Variants in ADGRV1 observed in about 807,000 individuals in gnomAD.
The protein encoded by ADGRV1 is G-protein coupled receptor 98.
A neutral mutation model predicts 596.2 loss-of-function variants in ADGRV1; 359 were observed. That is an observed-to-expected ratio of 0.60 (90% confidence interval 0.55 to 0.66). The LOEUF (loss-of-function observed/expected upper bound fraction) is 0.66. Ranked by LOEUF, ADGRV1 falls within the 30% of genes least tolerant of loss-of-function variation. The pLI is 0.00. For synonymous variants in ADGRV1, 2,681 were observed against 2,679.2 expected, an observed-to-expected ratio of 1.00 and a Z score of -0.02; for missense variants, 7,274 against 7,575.6, an observed-to-expected ratio of 0.96 and a Z score of 1.48.
chr5:90,973,528 G>A (rs1371390452), intron 84 of ADGRV1, among the ~76,000 whole-genome samples: 2 of 152,158 alleles, frequency 1.3e-5, no homozygotes, highest in African/African-American at 4.8e-5. Context: ...TCATCCCTGG[G>A]ATGCAAGGCT....
At chr5:90,811,852 A>C (rs1444787928) in intron 74 of ADGRV1, among the ~76,000 whole-genome samples, 1 of 151,824 alleles carries the variant, frequency 6.6e-6, no homozygotes, top group African/African-American at 2.4e-5. Flanking sequence ...TAAAATTTTA[A>C]TAATTTTTTT....
At chr5:91,038,097 T>TGGGTCCCAAGCATTTC (rs1785052117) in intron 85 of ADGRV1, among the ~76,000 whole-genome samples, 1 of 152,208 alleles carries the variant, frequency 6.6e-6, no homozygotes, top group Non-Finnish European at 1.5e-5. Flanking sequence ...TAAAACATTT[T>TGGGTCCCAAGCATTTC]GGGTCCCAAG....
intron 87 of ADGRV1, among the ~76,000 whole-genome samples, chr5:91,136,165 A>G (rs13161956): frequency 0.1 from 15,913 of 152,114 alleles, 853 homozygotes; most frequent in South Asian, 0.18. Context: ...TTATTAGCCA[A>G]ATTACAAAAT....
chr5:90,925,414 A>G (rs372384646), intron 83 of ADGRV1, among the ~76,000 whole-genome samples: 79 of 152,202 alleles, frequency 5.2e-4, no homozygotes, highest in Admixed American at 9.2e-4. Flanking sequence ...GAGTTCACTC[A>G]TGATTTGGCT....
chr5:90,971,706 A>G (rs879120827), intron 84 of ADGRV1, among the ~76,000 whole-genome samples: 1 of 152,212 alleles, frequency 6.6e-6, no homozygotes, highest in African/African-American at 2.4e-5. Flanking sequence ...AGGAAGCACT[A>G]AACATGGAAA....
intron 34 of ADGRV1, among the ~76,000 whole-genome samples, chr5:90,701,241 C>G (rs565184808): frequency 6.6e-6 from 1 of 152,088 alleles, no homozygotes; most frequent in South Asian, 2.1e-4. Flanking sequence ...ATAACATACT[C>G]TCTCTTAAGA....
chr5:91,029,673 GTTGT>G (rs1033269174), intron 85 of ADGRV1, among the ~76,000 whole-genome samples: 1 of 151,826 alleles, frequency 6.6e-6, no homozygotes, highest in Non-Finnish European at 1.5e-5. Flanking sequence ...TTTGTAATCG[GTTGT>G]TTATTTTTTC....
chr5:90,657,863 A>C (rs749166987), intron 20 of ADGRV1, 42 bp from the exon 21 acceptor site: 10 of 1,522,094 alleles, frequency 6.6e-6, no homozygotes, highest in Admixed American at 4.0e-5. Context: ...AGGACAGGAC[A>C]CTTGAAGGTA....
chr5:90,745,357 T>C (rs1475666407), intron 51 of ADGRV1, 92 bp downstream of exon 51: 1 of 846,742 alleles, frequency 1.2e-6, no homozygotes, highest in East Asian at 2.5e-5. Context: ...GACTGAAAAA[T>C]ATACAAAATA....
rs531033246 is a variant in ADGRV1, at chr5:90,765,429, CCACACA to C, written c.12285+1997_12285+2002del. Among the ~76,000 whole-genome samples the C allele has an allele frequency of 2.4e-3, 333 of 136,350 alleles. 2 individuals carry two copies. The highest frequency in any genetic ancestry group is 5.4e-3 in the African/African-American group (197 of 36,548). 89.5% of individuals were successfully genotyped at this position (136,350 alleles called of 152,430 possible). A position where few individuals can be genotyped will look rare whatever the true frequency, so the allele number is the denominator to read the frequency against. ...GCATGATGGGGGGAAAAATCACAGA[CCACACA>C]CACACACACACACACACACACACAC... On this transcript the variant is annotated intron_variant, in intron 59 of 89. Transcript: ENST00000405460.
intron 82 of ADGRV1, among the ~76,000 whole-genome samples, chr5:90,861,934 A>G (rs1487947863): frequency 6.6e-6 from 1 of 152,048 alleles, no homozygotes; most frequent in Non-Finnish European, 1.5e-5. Context: ...ATTCTCCCCT[A>G]CGTAAAAAAC....
In ADGRV1 at chr5:90,776,538, G is replaced by C. The variant is rs727503080; in HGVS notation, c.12489G>C (p.Gly4163=). 7 of 1,613,194 alleles carry C rather than the reference G, an allele frequency of 4.3e-6. No individual in the cohort carries two copies. The highest frequency in any genetic ancestry group is 5.9e-6 in the Non-Finnish European group (7 of 1,179,500). ...IAPSSRHILI[G]EPSAKYNGTA... ...CGTCATCTAGGCACATCCTCATTGG[G>C]GAACCCTCAGCAAAATATAATGGTA... Residue 4163 remains glycine (G), a synonymous_variant, in exon 61 of 90, where the codon GGG becomes GGC. Coordinates refer to ENST00000405460, the MANE Select transcript of ADGRV1 (RefSeq NM_032119.4).
chr5:90,762,479 C>G (rs1033566042), intron 58 of ADGRV1: 1 of 152,156 alleles, frequency 6.6e-6, no homozygotes, highest in Non-Finnish European at 1.5e-5. Flanking sequence ...AAGCTTCTAT[C>G]CGTGTTGAAA....
chr5:90,978,634 A>G (rs939977622), intron 84 of ADGRV1, among the ~76,000 whole-genome samples: 1 of 152,174 alleles, frequency 6.6e-6, no homozygotes, highest in African/African-American at 2.4e-5. Context: ...GGATACCCCA[A>G]TTACCCTGAT....
Position 90,840,905 on chromosome 5 carries a change from GT to G in ADGRV1, c.16940del (p.Val5647GlyfsTer7), listed in dbSNP as rs1364707671. On this transcript the variant is annotated frameshift_variant, in exon 78 of 90. Coordinates refer to ENST00000405460, the MANE Select transcript of ADGRV1 (RefSeq NM_032119.4). LOFTEE classifies it high-confidence loss of function. ...TGTGAATGATGATATTCTCAACAGAGTGCTCCATACCATCAGCATGAAAGTG... is the reference window on the plus strand; with the variant it reads ...TGTGAATGATGATATTCTCAACAGAGGCTCCATACCATCAGCATGAAAGTG... ...QPVNDDILNR[V>X]LHTISMKVAT... The G allele has an allele frequency of 8.2e-6, 13 of 1,581,190 alleles. No homozygotes were observed. The highest frequency in any genetic ancestry group is 1.1e-5 in the Non-Finnish European group (13 of 1,161,306).
intron 83 of ADGRV1, among the ~76,000 whole-genome samples, chr5:90,960,776 A>G (rs1159998379): frequency 6.6e-6 from 1 of 152,170 alleles, no homozygotes; most frequent in East Asian, 1.9e-4. Context: ...GATAAAAGGA[A>G]GAGGAAGAAC....
chr5:90,658,555 G>C (rs1486182810), intron 21 of ADGRV1, among the ~76,000 whole-genome samples: 1 of 152,052 alleles, frequency 6.6e-6, no homozygotes, highest in Non-Finnish European at 1.5e-5. Flanking sequence ...GAACGTATGT[G>C]TATACTCTAC....
chr5:91,007,733 A>G (rs921739150), intron 85 of ADGRV1, among the ~76,000 whole-genome samples: 4 of 152,172 alleles, frequency 2.6e-5, no homozygotes, highest in African/African-American at 7.2e-5. Flanking sequence ...AGGATGAAAC[A>G]GAAGAAATCA....
chr5:91,004,865 G>A (rs1317034919), intron 85 of ADGRV1, among the ~76,000 whole-genome samples: 2 of 152,078 alleles, frequency 1.3e-5, no homozygotes, highest in African/African-American at 4.8e-5. Flanking sequence ...AGGGGAGAGA[G>A]CATGGCTTTC....
Sources: gnomAD v4.1 joint callset for allele counts (sites outside exome capture counted in the v4.1 genomes callset) on GRCh38, gnomAD v4.1.1 for gene constraint, MANE v1.5 for transcripts, NCBI Gene and HGNC (gene_info 2026-07-23, HGNC 2026-07-21) for gene names.